The following ADGRL3 variants were observed in gnomAD, a reference collection of about 807,000 sequenced individuals.
ADGRL3 encodes calcium-independent alpha-latrotoxin receptor 3.
A neutral mutation model predicts 153.5 loss-of-function variants in ADGRL3; 62 were observed. The observed-to-expected ratio is 0.40, with a 90% confidence interval of 0.33 to 0.50. The LOEUF is 0.50. Among genes scored for constraint, ADGRL3 ranks in the 20% least tolerant of loss-of-function variants. The probability of loss-of-function intolerance (pLI) is 0.47; values close to 1 mark genes in which losing one functional copy is unlikely to be tolerated. For synonymous variants in ADGRL3, 710 were observed against 672.5 expected (o/e 1.06, Z -0.86); for missense variants, 1,641 against 1,859.4 (o/e 0.88, Z 2.16).
intron 8 of ADGRL3, among the ~76,000 whole-genome samples, chr4:61,735,418 A>T (rs1235924006): frequency 2.0e-5 from 3 of 152,194 alleles, no homozygotes; most frequent in Admixed American, 2.0e-4. Flanking sequence ...TCCTCAACAA[A>T]ATCTCCTAGA....
chr4:61,764,746 G>T (rs2096955145), intron 8 of ADGRL3, among the ~76,000 whole-genome samples: 2 of 152,066 alleles, frequency 1.3e-5, no homozygotes, highest in South Asian at 4.1e-4. Flanking sequence ...GTGTTGAAGT[G>T]TTGGGGCGGT....
intron 5 of ADGRL3, among the ~76,000 whole-genome samples, chr4:61,633,962 T>G (rs2093302084): frequency 6.9e-6 from 1 of 145,858 alleles, no homozygotes; most frequent in Non-Finnish European, 1.5e-5. Context: ...ATATACATAG[T>G]GGGTGTTGGA....
intron 6 of ADGRL3, among the ~76,000 whole-genome samples, chr4:61,712,994 C>T (rs530619892): frequency 2.6e-5 from 4 of 152,128 alleles, no homozygotes; most frequent in East Asian, 3.9e-4. Context: ...CCCAGATACC[C>T]GAAAAATGAT....
intron 5 of ADGRL3, among the ~76,000 whole-genome samples, chr4:61,646,857 C>T (rs1424914628): frequency 1.3e-5 from 2 of 152,206 alleles, no homozygotes; most frequent in Non-Finnish European, 2.9e-5. Flanking sequence ...TGGGCAATGG[C>T]GGGCGCCCCT....
At chr4:61,736,625 G>T (rs918011135) in intron 8 of ADGRL3, among the ~76,000 whole-genome samples, 1 of 152,082 alleles carries the variant, frequency 6.6e-6, no homozygotes, top group African/African-American at 2.4e-5. Flanking sequence ...GCCACTGCAC[G>T]CCAGCCTGAG....
intron 1 of ADGRL3, among the ~76,000 whole-genome samples, chr4:61,258,522 C>T (rs1232918252): frequency 6.6e-6 from 1 of 152,158 alleles, no homozygotes. Flanking sequence ...TAGCATCTGC[C>T]TCCGGATTGT....
At chr4:61,398,939 C>G (rs1407518254) in intron 2 of ADGRL3, among the ~76,000 whole-genome samples, 9 of 151,688 alleles carry the variant, frequency 5.9e-5, no homozygotes, top group Admixed American at 2.0e-4. Flanking sequence ...CACCAAAACA[C>G]ACACATATAT....
chr4:61,422,537 A>T (rs536898721), intron 2 of ADGRL3, among the ~76,000 whole-genome samples: 84 of 152,266 alleles, frequency 5.5e-4, no homozygotes, highest in African/African-American at 2.0e-3. Flanking sequence ...TTATTTACTA[A>T]TGTTTCTAAG....
chr4:61,417,970 G>A (rs115984260), intron 2 of ADGRL3, among the ~76,000 whole-genome samples: 2 of 152,204 alleles, frequency 1.3e-5, no homozygotes, highest in Non-Finnish European at 2.9e-5. Flanking sequence ...GATTGAGATT[G>A]GTCTAAATTG....
intron 4 of ADGRL3, among the ~76,000 whole-genome samples, chr4:61,534,638 G>A (rs1002417178): frequency 6.6e-6 from 1 of 151,978 alleles, no homozygotes; most frequent in East Asian, 1.9e-4. Context: ...GGTTCTCCTC[G>A]TAGAGGATTT....
chr4:61,379,632 C>T (rs529595456), intron 1 of ADGRL3, among the ~76,000 whole-genome samples: 25 of 152,130 alleles, frequency 1.6e-4, no homozygotes, highest in African/African-American at 5.5e-4. Flanking sequence ...TTCATTGACT[C>T]ATGAACCCTG....
chr4:61,754,770 T>G (rs989056019), intron 8 of ADGRL3, among the ~76,000 whole-genome samples: 1 of 151,642 alleles, frequency 6.6e-6, no homozygotes, highest in Non-Finnish European at 1.5e-5. Context: ...CCTTCCCCCC[T>G]CCCCCCACAC....
chr4:62,049,048 G>A (rs1329964316), intron 25 of ADGRL3, among the ~76,000 whole-genome samples: 2 of 151,990 alleles, frequency 1.3e-5, no homozygotes, highest in East Asian at 3.9e-4. Flanking sequence ...TAGGCTTTAT[G>A]TCATCACAAA....
At chr4:61,222,109 T>C (rs1745865108) in intron 1 of ADGRL3, among the ~76,000 whole-genome samples, 1 of 152,142 alleles carries the variant, frequency 6.6e-6, no homozygotes, top group African/African-American at 2.4e-5. Flanking sequence ...ATTTAGATTA[T>C]ATGCTCATTC....
intron 1 of ADGRL3, among the ~76,000 whole-genome samples, chr4:61,292,579 A>T (rs746242461): frequency 5.9e-5 from 9 of 152,130 alleles, no homozygotes; most frequent in African/African-American, 2.2e-4. Context: ...AAGACTGCCA[A>T]CAGTGCATAT....
At chr4:61,226,007 G>T (rs146424848) in intron 1 of ADGRL3, among the ~76,000 whole-genome samples, 149 of 151,940 alleles carry the variant, frequency 9.8e-4, no homozygotes, top group African/African-American at 3.3e-3. Context: ...TTCCGTAACA[G>T]CTCTCAGAGT....
At chr4:61,235,753 A>G (rs1752541823) in intron 1 of ADGRL3, among the ~76,000 whole-genome samples, 1 of 152,192 alleles carries the variant, frequency 6.6e-6, no homozygotes, top group Non-Finnish European at 1.5e-5. Flanking sequence ...TAAGTATTTG[A>G]GTTAGATAAT....
At chr4:61,687,819 T>C (rs1344894026) in intron 6 of ADGRL3, among the ~76,000 whole-genome samples, 3 of 152,012 alleles carry the variant, frequency 2.0e-5, no homozygotes, top group Admixed American at 2.0e-4. Flanking sequence ...CAAATAGAAA[T>C]TTTTTTACAA....
rs554865967 is a variant in ADGRL3, at chr4:61,870,012, A to G, written c.1481-22644A>G. Among the ~76,000 whole-genome samples, 36 of 143,900 alleles carry G rather than the reference A, an allele frequency of 2.5e-4. 1 individual carries two copies. In the South Asian group the frequency reaches 8.5e-3, roughly 34 times the overall value. 94.4% of individuals were successfully genotyped at this position (143,900 alleles called of 152,430 possible). A position where few individuals can be genotyped will look rare whatever the true frequency, so the allele number is the denominator to read the frequency against. On this transcript the variant is annotated intron_variant, in intron 9 of 26. Transcript: ENST00000683033. ...AGAGGGAGAGAGAGAGAGAGAGAGA[A>G]AGGAAAGAAAGAAGAAAGAAAGAAA...
Sources: allele counts gnomAD v4.1 joint callset (sites outside exome capture counted in the v4.1 genomes callset), GRCh38; gene constraint gnomAD v4.1.1; transcripts MANE v1.5; gene names NCBI Gene and HGNC (gene_info 2026-07-23, HGNC 2026-07-21).